The following BANP variants were observed in gnomAD, a reference collection of about 807,000 sequenced individuals.
BANP encodes the protein protein BANP.
A neutral mutation model predicts 68.1 loss-of-function variants in BANP; 11 were observed. The observed-to-expected ratio is 0.16, with a 90% CI of 0.10 to 0.27. The LOEUF (loss-of-function observed/expected upper bound fraction) is 0.27. Ranked by LOEUF, BANP falls within the 10% of genes least tolerant of loss-of-function variation. BANP has a pLI of 1.00. For missense variants in BANP, 504 were observed against 722.7 expected, an observed-to-expected ratio of 0.70 and a Z score of 3.47; for synonymous variants, 329 against 303.2, an observed-to-expected ratio of 1.09 and a Z score of -0.88.
rs972764883 is a variant in BANP, at chr16:87,957,373, G to A, written c.-69+5858G>A. 2.0e-5 allele frequency among the ~76,000 whole-genome samples: 3 copies of A among 152,194 alleles called. No individual in the cohort carries two copies. Among genetic ancestry groups the A allele is most frequent in the Admixed American group, 6.5e-5 (1 of 15,284 alleles). On this transcript the variant is annotated intron_variant, in intron 1 of 13. Transcript: ENST00000682872. This position sits in a 1 kb window ranked among gnomAD's most constrained non-coding sequence, Gnocchi z 4.3. The stretch of plus-strand genomic sequence containing the variant: ...TGAGGAAGGCTGGGCAGAATGGATC[G>A]GGGGTGTGTATTGGCTGCAGTCACC...
In BANP at chr16:88,072,071, G is replaced by A; in HGVS notation, c.1380G>A (p.Val460=). ...PSVFKASSGQ[V]LQGAQLIAVA... ...GGCCCCCGTGTGTCTCCCTCCAGGT[G>A]CTGCAGGGTGCACAGCTGATCGCCG... Residue 460 remains valine, a splice_region_variant and synonymous_variant, in exon 13 of 14, where the codon GTG becomes GTA. Transcript: ENST00000682872. The A allele has an allele frequency of 6.4e-7, 1 of 1,574,102 alleles. No homozygotes were observed.
At chr16:88,019,608 T>G (rs1402420228) in intron 7 of BANP, among the ~76,000 whole-genome samples, 88 of 23,160 alleles carry the variant, frequency 3.8e-3, no homozygotes, top group East Asian at 0.014. Flanking sequence ...GATCTCAGCG[T>G]GCGGGGGGCG....
chr16:88,012,243 G>A (rs1008743282), intron 6 of BANP, among the ~76,000 whole-genome samples: 3 of 152,238 alleles, frequency 2.0e-5, no homozygotes, highest in Admixed American at 2.0e-4. Context: ...TTTGAATTCT[G>A]TGTGGGTTTG....
chr16:88,051,018 G>A (rs961577023), intron 11 of BANP, among the ~76,000 whole-genome samples: 1 of 152,212 alleles, frequency 6.6e-6, no homozygotes, highest in East Asian at 1.9e-4. Flanking sequence ...CTGGTAGGTT[G>A]CAGAGATCCC....
chr16:87,952,670 AAC>A (rs1206299958), intron 1 of BANP: 1 of 152,224 alleles, frequency 6.6e-6, no homozygotes, highest in Non-Finnish European at 1.5e-5. Context: ...GCTAGAAGAA[AAC>A]ACCAAAACGC....
intron 1 of BANP, among the ~76,000 whole-genome samples, chr16:87,962,141 G>A (rs1597776899): frequency 6.6e-6 from 1 of 151,054 alleles, no homozygotes. Flanking sequence ...TCTGGAGGCT[G>A]AGGCAGGAGA....
chr16:87,982,210 A>G (rs1225406879), intron 3 of BANP, among the ~76,000 whole-genome samples: 1 of 152,224 alleles, frequency 6.6e-6, no homozygotes, highest in Non-Finnish European at 1.5e-5. Context: ...TAGAACAGAA[A>G]TGTATAAAGT....
At position 88,033,124 on chromosome 16, in the gene BANP, C is replaced by G. The variant is rs777424904; in HGVS notation, c.1079C>G (p.Thr360Ser). The G allele has an allele frequency of 6.2e-7, 1 of 1,607,730 alleles. No homozygotes were observed. Among genetic ancestry groups the G allele is most frequent in the Non-Finnish European group, 8.5e-7 (1 of 1,175,364 alleles). Reference protein sequence around the residue: ...SYCPSEPMMSTPPPASELPQP... With the variant: ...SYCPSEPMMSSPPPASELPQP... ...GCCCCCACAGAGCCGATGATGAGCACCCCACCTCCTGCCAGCGAGCTCCCG... is the reference window on the plus strand; with the variant it reads ...GCCCCCACAGAGCCGATGATGAGCAGCCCACCTCCTGCCAGCGAGCTCCCG... Residue 360 changes from threonine to serine, a missense_variant, in exon 9 of 14, where the codon ACC (threonine) becomes AGC (serine). Transcript: ENST00000682872.
At chr16:88,048,928 G>A (rs904530649) in intron 11 of BANP, among the ~76,000 whole-genome samples, 5 of 152,128 alleles carry the variant, frequency 3.3e-5, no homozygotes, top group Non-Finnish European at 7.4e-5. Context: ...TGTGGGGTGC[G>A]GGGTCTTTGA....
At chr16:87,960,683 A>T (rs1365067582) in intron 1 of BANP, among the ~76,000 whole-genome samples, 2 of 152,214 alleles carry the variant, frequency 1.3e-5, no homozygotes, top group African/African-American at 2.4e-5. Context: ...TGCTCTGATA[A>T]AATGGCAAGT....
chr16:87,951,278 C>T (rs1241852614), upstream of BANP, among the ~76,000 whole-genome samples: 2 of 152,180 alleles, frequency 1.3e-5, no homozygotes, highest in Admixed American at 6.5e-5. Context: ...CGGAAGAAGG[C>T]CGCCTGCGCA....
intron 1 of BANP, among the ~76,000 whole-genome samples, chr16:87,953,141 C>T (rs1297491195): frequency 6.6e-6 from 1 of 151,526 alleles, no homozygotes; most frequent in Non-Finnish European, 1.5e-5. Context: ...GGGACTTGCT[C>T]AGATTTACAG....
chr16:87,972,580 T>C (rs965968676), intron 1 of BANP, among the ~76,000 whole-genome samples: 1 of 152,214 alleles, frequency 6.6e-6, no homozygotes, highest in South Asian at 2.1e-4. Flanking sequence ...CATTTTTATA[T>C]GATTTTTGCT....
chr16:88,032,460 A>T (rs1283736578), intron 8 of BANP, among the ~76,000 whole-genome samples: 1 of 151,902 alleles, frequency 6.6e-6, no homozygotes, highest in Non-Finnish European at 1.5e-5. Context: ...CCTTGGCCTC[A>T]CAGAGTGCTG....
chr16:88,029,036 G>T (rs188421737), intron 8 of BANP, among the ~76,000 whole-genome samples: 19 of 152,316 alleles, frequency 1.2e-4, no homozygotes, highest in African/African-American at 4.3e-4. Context: ...CCCAGGCGTG[G>T]TGGCTCATGC....
chr16:88,031,234 C>T (rs1378728606), intron 8 of BANP, among the ~76,000 whole-genome samples: 7 of 152,234 alleles, frequency 4.6e-5, no homozygotes, highest in Non-Finnish European at 7.3e-5. Flanking sequence ...TGGCTGGAGC[C>T]GAGCTCTCCA....
At chr16:88,015,976 C>A (rs565281898) in intron 6 of BANP, among the ~76,000 whole-genome samples, 1 of 152,176 alleles carries the variant, frequency 6.6e-6, no homozygotes, top group Non-Finnish European at 1.5e-5. Context: ...GTTTGGGAGT[C>A]CGGGGACCTT....
intron 1 of BANP, among the ~76,000 whole-genome samples, chr16:87,961,143 A>G (rs2059044409): frequency 6.6e-6 from 1 of 152,232 alleles, no homozygotes; most frequent in Non-Finnish European, 1.5e-5. Context: ...TTAAAGCCAT[A>G]AAGTGCAGAA....
At chr16:87,988,077 C>G (rs965372943) in intron 4 of BANP, among the ~76,000 whole-genome samples, 1 of 152,036 alleles carries the variant, frequency 6.6e-6, no homozygotes, top group South Asian at 2.1e-4. Context: ...CAGATAAGAA[C>G]ATAATCCCAG....
Sources: gnomAD v4.1 joint callset for allele counts (sites outside exome capture counted in the v4.1 genomes callset) on GRCh38, gnomAD v4.1.1 for gene constraint, Gnocchi (gnomAD v3.1) non-coding constraint, MANE v1.5 for transcripts, NCBI Gene and HGNC (gene_info 2026-07-23, HGNC 2026-07-21) for gene names.